The following UCHL5 variants were observed in gnomAD, a reference collection of about 807,000 sequenced individuals.
UCHL5 encodes the protein ubiquitin C-terminal hydrolase L5, also known as ubiquitin carboxyl-terminal hydrolase isozyme L5.
UCHL5 carries 34 observed loss-of-function variants against 53.8 expected under a neutral mutation model. The ratio of observed to expected loss-of-function variants is 0.63; its 90% confidence interval spans 0.48 to 0.84. UCHL5 has a LOEUF of 0.84. UCHL5 is among the 40% of genes least tolerant of loss of function. The pLI is 0.00. For missense variants in UCHL5, 290 were observed against 385.6 expected (o/e 0.75, Z 2.08); for synonymous variants, 111 against 126.3 (o/e 0.88, Z 0.81).
chr1:193,020,757 C>G (rs955795548), intron 10 of UCHL5, among the ~76,000 whole-genome samples: 1 of 151,676 alleles, frequency 6.6e-6, no homozygotes, highest in Non-Finnish European at 1.5e-5. Flanking sequence ...TATATCAACT[C>G]AAATTTTTGC....
In UCHL5 at chr1:193,012,323, A is replaced by G. The variant is rs1052199188; in HGVS notation, c.*4028T>C. Reference sequence around the variant, plus strand: ...CAAGAAAGAATCAAAGAAGCATATTACATAAAATATATGGATAAGCTAAAA... The same window carrying G: ...CAAGAAAGAATCAAAGAAGCATATTGCATAAAATATATGGATAAGCTAAAA... On this transcript the variant is annotated 3_prime_UTR_variant, in exon 11 of 11. Transcript: ENST00000367454. The G allele has an allele frequency of 6.6e-6, 1 of 152,228 alleles. No homozygotes were observed. The highest frequency in any genetic ancestry group is 1.5e-5 in the Non-Finnish European group (1 of 68,042). The allele number at this position is 152,228 out of a possible 1,614,324, so 9.4% of individuals were successfully genotyped here. A position where few individuals can be genotyped will look rare whatever the true frequency, so the allele number is the denominator to read the frequency against.
chr1:193,059,639 T>C (rs962478263), upstream of UCHL5: 6 of 1,392,918 alleles, frequency 4.3e-6, no homozygotes, highest in African/African-American at 7.2e-5. The surrounding 1 kb of genome is among the most constrained non-coding windows in gnomAD (Gnocchi z 4.9). Context: ...GAACCTGGAA[T>C]CCCCGGCGGC....
chr1:193,028,198 A>G, intron 6 of UCHL5, 50 bp from the exon 7 acceptor site: 2 of 1,475,936 alleles, frequency 1.4e-6, no homozygotes, highest in African/African-American at 1.4e-5. Context: ...AAGAACAATC[A>G]ACTTTAAAAT....
rs752497492 is a variant in UCHL5 at position 193,016,335 on chromosome 1, A to G, written c.*16T>C. On this transcript the variant is annotated 3_prime_UTR_variant, in exon 11 of 11. Coordinates refer to ENST00000367454, the MANE Select transcript of UCHL5 (RefSeq NM_001199261.3). ...TATGTGCAGAAGCAGAAATGTGTACATATCTGAAAACATCTTCATTTGGTT... is the reference window on the plus strand; with the variant it reads ...TATGTGCAGAAGCAGAAATGTGTACGTATCTGAAAACATCTTCATTTGGTT... 5 of 1,601,792 alleles carry G rather than the reference A, an allele frequency of 3.1e-6. No homozygotes were observed. In the East Asian group the frequency reaches 6.7e-5, roughly 22 times the overall value.
intron 7 of UCHL5, among the ~76,000 whole-genome samples, chr1:193,026,152 AATAC>A (rs1659147350): frequency 6.6e-6 from 1 of 152,138 alleles, no homozygotes; most frequent in Admixed American, 6.5e-5. Flanking sequence ...ATTAACTCAA[AATAC>A]ATCATAGACT....
At chr1:193,043,660 T>C (rs943779209) in intron 3 of UCHL5, among the ~76,000 whole-genome samples, 1 of 152,136 alleles carries the variant, frequency 6.6e-6, no homozygotes, top group African/African-American at 2.4e-5. Flanking sequence ...TGGGTCAAGA[T>C]TATCAGCTCA....
intron 3 of UCHL5, among the ~76,000 whole-genome samples, chr1:193,032,127 T>A (rs1571635614): frequency 6.6e-6 from 1 of 152,312 alleles, no homozygotes; most frequent in Middle Eastern, 3.4e-3. Context: ...AACCTGATAC[T>A]GAAGGCATTT....
chr1:193,020,290 A>G (rs962117080), intron 10 of UCHL5: 1 of 1,532,192 alleles, frequency 6.5e-7, no homozygotes, highest in Non-Finnish European at 8.8e-7. Context: ...TAAAATTAAT[A>G]AGGAAAATAT....
rs1018380410 is a variant in UCHL5 at position 193,015,148 on chromosome 1, T to C, written c.*1203A>G. 6.6e-6 allele frequency: 1 copy of C among 152,060 alleles called. No individual in the cohort carries two copies. The highest frequency in any genetic ancestry group is 1.9e-4 in the East Asian group (1 of 5,204). The allele number at this position is 152,060 out of a possible 1,614,324, so 9.4% of individuals were successfully genotyped here. A position where few individuals can be genotyped will look rare whatever the true frequency, so the allele number is the denominator to read the frequency against. On this transcript the variant is annotated 3_prime_UTR_variant, in exon 11 of 11. Coordinates refer to ENST00000367454, the MANE Select transcript of UCHL5 (RefSeq NM_001199261.3). ...TTCCTATCAGGTTTTTCTCCATTAG[T>C]TCTAAGTCATTTAATACCACAATTA...
chr1:193,038,473 C>T (rs10801167), intron 3 of UCHL5, among the ~76,000 whole-genome samples: 100,581 of 148,892 alleles, frequency 0.68, 34,995 homozygotes, highest in Non-Finnish European at 0.76. Context: ...AAAAAAAAAC[C>T]ACAGTCTTTC....
intron 10 of UCHL5, chr1:193,020,077 G>A: frequency 1.0e-6 from 1 of 984,890 alleles, no homozygotes. Flanking sequence ...ACCCTGAGAT[G>A]CATGAACAGA....
At chr1:193,056,947 C>CAG (rs1174808108) in intron 1 of UCHL5, among the ~76,000 whole-genome samples, 5 of 152,176 alleles carry the variant, frequency 3.3e-5, no homozygotes, top group African/African-American at 1.2e-4. Flanking sequence ...TGTGCATGTA[C>CAG]AGAAGATGAA....
intron 2 of UCHL5, 89 bp downstream of exon 2, chr1:193,051,665 C>CAAGTAA: frequency 1.4e-6 from 1 of 722,566 alleles, no homozygotes; most frequent in Non-Finnish European, 2.2e-6. Context: ...TAGAGTAATC[C>CAAGTAA]AAGTAAAATA....
chr1:193,013,631 T>A lies in UCHL5; in HGVS notation c.*2720A>T, dbSNP rs763828495. The A allele has an allele frequency of 6.6e-6, 1 of 152,158 alleles. No individual in the cohort carries two copies. Among genetic ancestry groups the A allele is most frequent in the African/African-American group, 2.4e-5 (1 of 41,452 alleles). The allele number at this position is 152,158 out of a possible 1,614,324, so 9.4% of individuals were successfully genotyped here. A position where few individuals can be genotyped will look rare whatever the true frequency, so the allele number is the denominator to read the frequency against. ...TTCTCTAAATGGTTTTTGAGGAGAA[T>A]ACATTAAAAGCCCTTTTTTTCCCTC... On this transcript the variant is annotated 3_prime_UTR_variant, in exon 11 of 11. Transcript: ENST00000367454.
intron 3 of UCHL5, among the ~76,000 whole-genome samples, chr1:193,033,461 G>C (rs1403621223): frequency 6.6e-6 from 1 of 151,898 alleles, no homozygotes; most frequent in Non-Finnish European, 1.5e-5. Flanking sequence ...AACGACCATG[G>C]CACGTGTATA....
At position 193,016,257 on chromosome 1, in the gene UCHL5, A is replaced by C; in HGVS notation, c.*94T>G. The C allele has an allele frequency of 6.9e-7, 1 of 1,452,896 alleles. No homozygotes were observed. The highest frequency in any genetic ancestry group is 9.4e-7 in the Non-Finnish European group (1 of 1,064,856). The allele number at this position is 1,452,896 out of a possible 1,614,324, so 90.0% of individuals were successfully genotyped here. ...TGGCACTATTGCCAAACGTGCACTG[A>C]GCCAATTAGGATGTTGCTCTAAGTT... On this transcript the variant is annotated 3_prime_UTR_variant, in exon 11 of 11. Transcript: ENST00000367454.
intron 3 of UCHL5, among the ~76,000 whole-genome samples, chr1:193,034,465 C>T (rs1662646576): frequency 6.6e-6 from 1 of 151,856 alleles, no homozygotes. Flanking sequence ...AAAATATTCT[C>T]GCAAAGAAAA....
At chr1:193,051,653 C>T (rs2102863831) in intron 2 of UCHL5, 101 bp downstream of exon 2, 1 of 629,186 alleles carries the variant, frequency 1.6e-6, no homozygotes, top group Non-Finnish European at 2.6e-6. Context: ...ACGTATTCAA[C>T]CTAGAGTAAT....
chr1:193,051,893 A>G, intron 1 of UCHL5, 76 bp from the exon 2 acceptor site: 6 of 1,076,308 alleles, frequency 5.6e-6, no homozygotes, highest in Non-Finnish European at 6.8e-6. Context: ...AATATTAACT[A>G]AAGGAAATGC....
Sources: allele counts gnomAD v4.1 joint callset (sites outside exome capture counted in the v4.1 genomes callset), GRCh38; gene constraint gnomAD v4.1.1; non-coding constraint Gnocchi (gnomAD v3.1); transcripts MANE v1.5; gene names NCBI Gene and HGNC (gene_info 2026-07-23, HGNC 2026-07-21).